The following GLIS3 variants were observed in gnomAD, a reference collection of about 807,000 sequenced individuals.
GLIS3 encodes the protein GLIS family zinc finger 3.
In GLIS3, 53 loss-of-function variants were observed where a neutral mutation model predicts 78.6. That is an observed-to-expected ratio of 0.67 (90% CI 0.54 to 0.85). The LOEUF is 0.85. Among genes scored for constraint, GLIS3 ranks in the 40% least tolerant of loss-of-function variants. The pLI, the probability that GLIS3 is intolerant of heterozygous loss-of-function variation, is 0.00. For missense variants in GLIS3, 1,703 were observed against 1,231.1 expected (o/e 1.38, Z -5.74); for synonymous variants, 684 against 509.9 (o/e 1.34, Z -4.60).
At chr9:4,336,019 T>C (rs891775979) in intron 2 of GLIS3, among the ~76,000 whole-genome samples, 12 of 152,306 alleles carry the variant, frequency 7.9e-5, no homozygotes, top group African/African-American at 2.9e-4. Context: ...AGTTTGGAGA[T>C]GATGTGCTGT....
At chr9:4,135,650 T>A (rs78761419) in intron 2 of GLIS3, among the ~76,000 whole-genome samples, 1 of 152,136 alleles carries the variant, frequency 6.6e-6, no homozygotes, top group Non-Finnish European at 1.5e-5. Flanking sequence ...AAATAAAGAA[T>A]AGAATCTTAG....
At chr9:3,918,311 T>A (rs2130716792) in intron 6 of GLIS3, among the ~76,000 whole-genome samples, 1 of 152,348 alleles carries the variant, frequency 6.6e-6, no homozygotes, top group South Asian at 2.1e-4. Flanking sequence ...CAATTCTCTA[T>A]GATGTGTCTT....
upstream of GLIS3, among the ~76,000 whole-genome samples, chr9:4,302,413 T>G (rs4437711): frequency 0.83 from 125,588 of 152,176 alleles, 53,147 homozygotes; most frequent in South Asian, 0.95. Flanking sequence ...CAGAGAAATA[T>G]TCAGTGAGTA....
the GLIS3 span, among the ~76,000 whole-genome samples, chr9:4,412,072 G>A: frequency 6.6e-6 from 1 of 152,148 alleles, no homozygotes; most frequent in African/African-American, 2.4e-5. Context: ...TCTCTAAACA[G>A]CATCTCTGTC....
At chr9:4,127,759 A>G (rs1243343180) in intron 2 of GLIS3, among the ~76,000 whole-genome samples, 1 of 147,532 alleles carries the variant, frequency 6.8e-6, no homozygotes, top group African/African-American at 2.5e-5. Context: ...TAAAAGCAAC[A>G]TCAATTATCA....
chr9:4,163,651 G>C (rs921633948), intron 2 of GLIS3, among the ~76,000 whole-genome samples: 1 of 152,156 alleles, frequency 6.6e-6, no homozygotes, highest in Non-Finnish European at 1.5e-5. Context: ...TTATATATGC[G>C]GGCCAGTCAT....
the GLIS3 span, among the ~76,000 whole-genome samples, chr9:4,428,636 T>C: frequency 6.6e-6 from 1 of 152,042 alleles, no homozygotes; most frequent in Non-Finnish European, 1.5e-5. Flanking sequence ...TACCCACAAG[T>C]CTGGGGCCTT....
At chr9:4,233,126 C>G (rs894093646) in intron 2 of GLIS3, among the ~76,000 whole-genome samples, 58 of 152,150 alleles carry the variant, frequency 3.8e-4, no homozygotes, top group Non-Finnish European at 3.1e-4. Flanking sequence ...TCTTTGACAT[C>G]TTTTCCAAAG....
At chr9:4,442,436 C>G in the GLIS3 span, among the ~76,000 whole-genome samples, 1 of 152,096 alleles carries the variant, frequency 6.6e-6, no homozygotes, top group South Asian at 2.1e-4. Context: ...AGAATTTCAA[C>G]TGGTAATCAT....
rs143572558 is a variant in GLIS3 at position 3,985,291 on chromosome 9, T to G, written c.1711-48102A>C. 7.2e-3 allele frequency among the ~76,000 whole-genome samples: 1,095 copies of G among 152,178 alleles called. 17 individuals carry two copies. Among genetic ancestry groups the G allele is most frequent in the African/African-American group, 0.025 (1,040 of 41,518 alleles). ...CTGAGTAGCTGGGACCACAGGTGTG[T>G]GCTACCACACCTGGCTAATTGTTTT... On this transcript the variant is annotated intron_variant, in intron 4 of 10. Transcript: ENST00000381971.
chr9:3,997,261 G>T (rs143152967), intron 4 of GLIS3, among the ~76,000 whole-genome samples: 12,393 of 152,148 alleles, frequency 0.081, 630 homozygotes, highest in South Asian at 0.14. Context: ...CCGGAGAATC[G>T]CTTGAACTCA....
At chr9:4,151,352 G>C (rs558495919) in intron 2 of GLIS3, among the ~76,000 whole-genome samples, 1 of 152,160 alleles carries the variant, frequency 6.6e-6, no homozygotes, top group African/African-American at 2.4e-5. Flanking sequence ...CAAACTATAT[G>C]TTTTAGCAGA....
At position 4,204,735 on chromosome 9, in the gene GLIS3, C is replaced by T. The variant is rs570867712; in HGVS notation, c.389-78794G>A. ...GAGTTTGAGACCAGCCTGGGCAACT[C>T]AAACCGTGTCTCTAGTAAAATACAA... On this transcript the variant is annotated intron_variant, in intron 2 of 10. Coordinates refer to ENST00000381971, the MANE Select transcript of GLIS3 (RefSeq NM_001042413.2). Among the ~76,000 whole-genome samples, 4 of 151,912 alleles carry T rather than the reference C, an allele frequency of 2.6e-5. No individual in the cohort carries two copies. The South Asian group carries it at 6.3e-4, about 24-fold the overall frequency.
At chr9:4,450,915 T>C in the GLIS3 span, among the ~76,000 whole-genome samples, 3 of 152,156 alleles carry the variant, frequency 2.0e-5, no homozygotes, top group East Asian at 1.9e-4. Flanking sequence ...GTAAAGACCA[T>C]CAATGCTAGA....
chr9:4,040,813 C>A lies in GLIS3; in HGVS notation c.1710+76955G>T, dbSNP rs532518. On this transcript the variant is annotated intron_variant, in intron 4 of 10. Coordinates refer to ENST00000381971, the MANE Select transcript of GLIS3 (RefSeq NM_001042413.2). Reference sequence around the variant, plus strand: ...CAAGTGGTGCTGTCAACTGGGTCAACTGGGTCATTGTTCTTTAGGTAAGAG... The same window carrying A: ...CAAGTGGTGCTGTCAACTGGGTCAAATGGGTCATTGTTCTTTAGGTAAGAG... Among the ~76,000 whole-genome samples the A allele has an allele frequency of 1.7e-3, 256 of 152,112 alleles. 2 individuals are homozygous for A. The highest frequency in any genetic ancestry group is 5.5e-3 in the African/African-American group (229 of 41,480).
At chr9:3,836,595 T>C (rs562580503) in intron 9 of GLIS3, among the ~76,000 whole-genome samples, 2 of 152,282 alleles carry the variant, frequency 1.3e-5, no homozygotes, top group Non-Finnish European at 2.9e-5. Flanking sequence ...CCTACCACCT[T>C]TGAATACTTC....
At chr9:4,254,444 C>T (rs956135963) in intron 2 of GLIS3, among the ~76,000 whole-genome samples, 23 of 152,278 alleles carry the variant, frequency 1.5e-4, no homozygotes, top group African/African-American at 5.5e-4. Context: ...AAAGCAATTC[C>T]AATGAAAGTC....
chr9:3,867,271 C>T (rs1820647894), intron 8 of GLIS3, among the ~76,000 whole-genome samples: 1 of 152,146 alleles, frequency 6.6e-6, no homozygotes. Flanking sequence ...TTTTTCTTTT[C>T]TTCCGGAGCC....
the GLIS3 span, among the ~76,000 whole-genome samples, chr9:4,354,454 C>A: frequency 6.6e-6 from 1 of 152,056 alleles, no homozygotes; most frequent in East Asian, 1.9e-4. Flanking sequence ...TATATTTAAC[C>A]AAGAATTATA....
Sources: allele counts gnomAD v4.1 joint callset (sites outside exome capture counted in the v4.1 genomes callset), GRCh38; gene constraint gnomAD v4.1.1; transcripts MANE v1.5; gene names NCBI Gene and HGNC (gene_info 2026-07-23, HGNC 2026-07-21).